Variants in LRCH3 observed in about 807,000 individuals in gnomAD.
The protein encoded by LRCH3 is DISP complex protein LRCH3.
In LRCH3, 68 loss-of-function variants were observed where a neutral mutation model predicts 104.5. The observed-to-expected ratio is 0.65, with a 90% CI of 0.54 to 0.80. LRCH3 has a LOEUF of 0.80. Among genes scored for constraint, LRCH3 ranks in the 30% least tolerant of loss-of-function variants. The probability of loss-of-function intolerance (pLI) is 0.00; values close to 1 mark genes in which losing one functional copy is unlikely to be tolerated. For synonymous variants in LRCH3, 344 were observed against 361.3 expected, an observed-to-expected ratio of 0.95 and a Z score of 0.54; for missense variants, 951 against 953.9, an observed-to-expected ratio of 1.00 and a Z score of 0.04.
intron 3 of LRCH3, among the ~76,000 whole-genome samples, chr3:197,819,981 A>T (rs1734305527): frequency 6.6e-6 from 1 of 152,186 alleles, no homozygotes; most frequent in Admixed American, 6.6e-5. Flanking sequence ...GAGTGCTGGG[A>T]TTACAGGCAT....
At chr3:197,824,201 A>G (rs1734832478) in intron 4 of LRCH3, among the ~76,000 whole-genome samples, 1 of 151,970 alleles carries the variant, frequency 6.6e-6, no homozygotes, top group Non-Finnish European at 1.5e-5. Context: ...AGTAGCTGGA[A>G]TTACAGGCGC....
rs1345834118 is a variant in LRCH3 at position 197,860,149 on chromosome 3, G to A, written c.1716+1244G>A. On this transcript the variant is annotated intron_variant, in intron 15 of 20. Coordinates refer to ENST00000425562, the MANE Select transcript of LRCH3 (RefSeq NM_001365715.1). Reference sequence around the variant, plus strand: ...CCTGAGTAGCTGGGAATACAGATGCGCACCACCATGCCTGGCTGACTTTTT... The same window carrying A: ...CCTGAGTAGCTGGGAATACAGATGCACACCACCATGCCTGGCTGACTTTTT... 2.6e-5 allele frequency among the ~76,000 whole-genome samples: 4 copies of A among 151,956 alleles called. No individual in the cohort carries two copies. The East Asian group carries it at 5.8e-4, about 22-fold the overall frequency.
chr3:197,834,016 TTG>T (rs1487197846), intron 8 of LRCH3, among the ~76,000 whole-genome samples: 1 of 152,242 alleles, frequency 6.6e-6, no homozygotes, highest in Non-Finnish European at 1.5e-5. Context: ...TTTATATTAA[TTG>T]TAGTCACAGA....
At chr3:197,815,178 T>A in intron 2 of LRCH3, 126 bp downstream of exon 2, 1 of 530,492 alleles carries the variant, frequency 1.9e-6, no homozygotes, top group Non-Finnish European at 3.2e-6. Flanking sequence ...GTATGTGCTC[T>A]TGGATATATT....
At chr3:197,805,558 A>G (rs1732386728) in intron 1 of LRCH3, among the ~76,000 whole-genome samples, 1 of 147,982 alleles carries the variant, frequency 6.8e-6, no homozygotes, top group African/African-American at 2.6e-5. Flanking sequence ...AGAGGGGGAC[A>G]CGCCTCCAAA....
chr3:197,818,924 G>A (rs533138264), intron 3 of LRCH3, among the ~76,000 whole-genome samples: 5 of 152,090 alleles, frequency 3.3e-5, no homozygotes, highest in African/African-American at 1.2e-4. Flanking sequence ...TCAGGAGTTC[G>A]AGACCAGCCT....
intron 20 of LRCH3, chr3:197,880,550 C>T (rs868863945): frequency 6.5e-7 from 1 of 1,536,384 alleles, no homozygotes; most frequent in African/African-American, 1.4e-5. Flanking sequence ...TTCAGCTAAA[C>T]CTCAGCGTTA....
At chr3:197,879,995 G>A (rs1314024633) in intron 20 of LRCH3, among the ~76,000 whole-genome samples, 1 of 150,742 alleles carries the variant, frequency 6.6e-6, no homozygotes, top group East Asian at 1.9e-4. Context: ...ACCCAGGCTG[G>A]AGTGCGGTGG....
At chr3:197,811,022 C>T (rs763277580) in intron 1 of LRCH3, among the ~76,000 whole-genome samples, 6 of 151,934 alleles carry the variant, frequency 3.9e-5, no homozygotes, top group Admixed American at 6.6e-5. Flanking sequence ...TGGTTGAAAA[C>T]GAAAAGGAAA....
intron 12 of LRCH3, among the ~76,000 whole-genome samples, chr3:197,851,460 G>T (rs1437313417): frequency 6.6e-6 from 1 of 152,168 alleles, no homozygotes; most frequent in Admixed American, 6.5e-5. Context: ...TTAGACTAGG[G>T]TGCAAAATAA....
In LRCH3 at chr3:197,856,912, CATAAGGTAAATGCTGAATTTGATTT is replaced by C. The variant is rs1740317578; in HGVS notation, c.1645-1920_1645-1896del. Reference sequence around the variant, plus strand: ...GATGAAAAGGTCTGATGAACGATATCATAAGGTAAATGCTGAATTTGATTTAAAGACCTTGAAACTTACGATTTGA... The same window carrying C: ...GATGAAAAGGTCTGATGAACGATATCAAAGACCTTGAAACTTACGATTTGA... On this transcript the variant is annotated intron_variant, in intron 14 of 20. Coordinates refer to ENST00000425562, the MANE Select transcript of LRCH3 (RefSeq NM_001365715.1). The surrounding 1 kb of genome is among the most constrained non-coding windows in gnomAD (Gnocchi z 4.2). 6.6e-6 allele frequency among the ~76,000 whole-genome samples: 1 copy of C among 151,132 alleles called. No individual in the cohort carries two copies.
chr3:197,845,523 G>A lies in LRCH3; in HGVS notation c.1329-1886G>A, dbSNP rs763190932. Among the ~76,000 whole-genome samples the A allele has an allele frequency of 7.2e-5, 11 of 151,846 alleles. No homozygotes were observed. In the South Asian group the frequency reaches 8.3e-4, roughly 11 times the overall value. ...ATGTCTCAGTATTCCATGCTTTTTC[G>A]GGGGAGGGTGCTACTGTCATTCATT... On this transcript the variant is annotated intron_variant, in intron 10 of 20. Coordinates refer to ENST00000425562, the MANE Select transcript of LRCH3 (RefSeq NM_001365715.1).
At chr3:197,870,555 G>T in intron 18 of LRCH3, among the ~76,000 whole-genome samples, 1 of 152,098 alleles carries the variant, frequency 6.6e-6, no homozygotes, top group East Asian at 1.9e-4. Flanking sequence ...TAGTAGAGAA[G>T]GAGTTTCACC....
intron 17 of LRCH3, among the ~76,000 whole-genome samples, chr3:197,867,810 G>A (rs899057640): frequency 8.5e-5 from 13 of 152,176 alleles, no homozygotes; most frequent in African/African-American, 2.6e-4. Context: ...AGCCGAGATC[G>A]CACCACCGCA....
At chr3:197,860,229 T>C (rs1436240398) in intron 15 of LRCH3, among the ~76,000 whole-genome samples, 1 of 152,184 alleles carries the variant, frequency 6.6e-6, no homozygotes, top group Non-Finnish European at 1.5e-5. Context: ...CTCAAACTCC[T>C]GGGCTCAAGA....
chr3:197,843,626 G>T (rs1738153421), intron 10 of LRCH3, among the ~76,000 whole-genome samples: 1 of 152,206 alleles, frequency 6.6e-6, no homozygotes, highest in Non-Finnish European at 1.5e-5. Flanking sequence ...AGAGGCTGCA[G>T]TGAGCTGAGA....
chr3:197,825,519 T>A (rs190858405), intron 4 of LRCH3, among the ~76,000 whole-genome samples: 2,716 of 121,682 alleles, frequency 0.022, 72 homozygotes, highest in East Asian at 0.065. Flanking sequence ...TTGCTCTGTC[T>A]CCCAGGCTGG....
At chr3:197,876,848 A>T (rs1031683045) in intron 20 of LRCH3, among the ~76,000 whole-genome samples, 5 of 141,356 alleles carry the variant, frequency 3.5e-5, no homozygotes, top group Non-Finnish European at 7.9e-5. Context: ...CATGGCAGTG[A>T]TTCTCTTTAC....
At chr3:197,875,671 T>TAC in intron 19 of LRCH3, 27 bp from the exon 20 acceptor site, 1 of 1,514,998 alleles carries the variant, frequency 6.6e-7, no homozygotes, top group South Asian at 1.2e-5. Flanking sequence ...ACTTCTCTAG[T>TAC]AACACATTTT....
Sources: gnomAD v4.1 joint callset for allele counts (sites outside exome capture counted in the v4.1 genomes callset) on GRCh38, gnomAD v4.1.1 for gene constraint, Gnocchi (gnomAD v3.1) non-coding constraint, MANE v1.5 for transcripts, NCBI Gene and HGNC (gene_info 2026-07-23, HGNC 2026-07-21) for gene names.